The following SMIM14 variants were observed in gnomAD, a reference collection of about 807,000 sequenced individuals.
SMIM14 encodes the protein small integral membrane protein 14, also known as chromosome 4 open reading frame 34.
In SMIM14, 5 loss-of-function variants were observed where a neutral mutation model predicts 12.6. The observed-to-expected ratio is 0.40, with a 90% CI of 0.21 to 0.83. The LOEUF (loss-of-function observed/expected upper bound fraction) is 0.83. SMIM14 is among the 40% of genes least tolerant of loss of function. SMIM14 has a pLI of 0.37. For synonymous variants in SMIM14, 30 were observed against 40.1 expected (o/e 0.75, Z 0.95); for missense variants, 86 against 119.1 (o/e 0.72, Z 1.29).
chr4:39,555,765 C>T (rs1711979127), intron 4 of SMIM14, among the ~76,000 whole-genome samples: 1 of 152,062 alleles, frequency 6.6e-6, no homozygotes, highest in South Asian at 2.1e-4. Flanking sequence ...AAGACAGGCT[C>T]AGTGTCTCTA....
chr4:39,628,553 C>T (rs889217481), intron 1 of SMIM14, among the ~76,000 whole-genome samples: 2 of 149,544 alleles, frequency 1.3e-5, no homozygotes, highest in Non-Finnish European at 3.0e-5. Context: ...GTGGCACACG[C>T]GTAGTCCCAA....
At chr4:39,560,636 C>A (rs949378516) in intron 3 of SMIM14, among the ~76,000 whole-genome samples, 10 of 151,738 alleles carry the variant, frequency 6.6e-5, no homozygotes, top group African/African-American at 2.2e-4. Context: ...CAGAGCAAGA[C>A]CCCGTCTCAA....
chr4:39,617,215 A>C (rs1715259105), intron 1 of SMIM14, among the ~76,000 whole-genome samples: 1 of 152,206 alleles, frequency 6.6e-6, no homozygotes, highest in African/African-American at 2.4e-5. Context: ...TAGTAACTTA[A>C]GGCCAAGTTT....
intron 1 of SMIM14, among the ~76,000 whole-genome samples, chr4:39,611,755 G>A (rs1385113987): frequency 6.6e-6 from 1 of 152,114 alleles, no homozygotes; most frequent in African/African-American, 2.4e-5. Context: ...CTGGAATACT[G>A]TAACAGCAAA....
chr4:39,555,488 C>T (rs183257562), intron 4 of SMIM14, among the ~76,000 whole-genome samples: 1 of 152,336 alleles, frequency 6.6e-6, no homozygotes, highest in African/African-American at 2.4e-5. Flanking sequence ...CCCCCTTGGC[C>T]TCCCAAAGTG....
intron 2 of SMIM14, among the ~76,000 whole-genome samples, chr4:39,603,575 AAATAAT>A (rs1714695387): frequency 6.6e-6 from 1 of 151,928 alleles, no homozygotes; most frequent in Non-Finnish European, 1.5e-5. Context: ...AATAAATAAA[AAATAAT>A]AATAACAATA....
At chr4:39,569,647 G>C (rs1712777746) in intron 3 of SMIM14, among the ~76,000 whole-genome samples, 1 of 152,058 alleles carries the variant, frequency 6.6e-6, no homozygotes, top group African/African-American at 2.4e-5. Flanking sequence ...TGAGGCACTA[G>C]AATTGCCTGA....
intron 2 of SMIM14, among the ~76,000 whole-genome samples, chr4:39,602,011 A>AG (rs1050239627): frequency 1.3e-5 from 2 of 148,930 alleles, no homozygotes; most frequent in African/African-American, 4.9e-5. Context: ...GCACTTTGGG[A>AG]GGGGGAGGTA....
At chr4:39,630,498 T>C (rs919915609) in intron 1 of SMIM14, among the ~76,000 whole-genome samples, 9 of 152,128 alleles carry the variant, frequency 5.9e-5, no homozygotes, top group Admixed American at 1.3e-4. Context: ...TGAGATGACA[T>C]GTGCACAAAG....
chr4:39,628,305 A>AC (rs985376141), intron 1 of SMIM14, among the ~76,000 whole-genome samples: 1 of 148,680 alleles, frequency 6.7e-6, no homozygotes, highest in Non-Finnish European at 1.5e-5. Context: ...AGACTCCATC[A>AC]CAAAAAAAAA....
rs188617384 is a variant in SMIM14 at position 39,578,764 on chromosome 4, G to A, written c.76-6301C>T. Among the ~76,000 whole-genome samples, 189 of 152,222 alleles carry A rather than the reference G, an allele frequency of 1.2e-3. 1 individual carries two copies. Among genetic ancestry groups the A allele is most frequent in the African/African-American group, 4.5e-3 (187 of 41,562 alleles). On this transcript the variant is annotated intron_variant, in intron 2 of 4. Transcript: ENST00000295958. Reference sequence around the variant, plus strand: ...TAATCCCAGCAATTTGGGAGGTCGAGGCAGGTGGATCGCCTGAGGTCAGGA... The same window carrying A: ...TAATCCCAGCAATTTGGGAGGTCGAAGCAGGTGGATCGCCTGAGGTCAGGA...
intron 1 of SMIM14, among the ~76,000 whole-genome samples, chr4:39,629,747 C>T (rs866477974): frequency 7.2e-5 from 11 of 152,094 alleles, no homozygotes; most frequent in South Asian, 4.1e-4. Flanking sequence ...CCTCAGGCTC[C>T]GGAGCAGCTG....
chr4:39,605,222 ATTACTC>A, intron 1 of SMIM14, 42 bp from the exon 2 acceptor site: 1 of 1,135,090 alleles, frequency 8.8e-7, no homozygotes, highest in Non-Finnish European at 1.3e-6. Flanking sequence ...ACAATTCAGA[ATTACTC>A]TTTCTCTTGA....
In SMIM14 at chr4:39,548,285, CAAACAAAT is replaced by C. The variant is rs1385278981; in HGVS notation, c.*3833_*3840del. 9 of 151,204 alleles carry C rather than the reference CAAACAAAT, an allele frequency of 6.0e-5. No homozygotes were observed. The highest frequency in any genetic ancestry group is 2.2e-4 in the African/African-American group (9 of 40,616). 9.4% of individuals were successfully genotyped at this position (151,204 alleles called of 1,614,324 possible). Reference sequence around the variant, plus strand: ...GCAAAACAAAACAAAACAAAACAAACAAACAAATGCAACAAAACAACCTCCCACTATTA... The same window carrying C: ...GCAAAACAAAACAAAACAAAACAAACGCAACAAAACAACCTCCCACTATTA... On this transcript the variant is annotated 3_prime_UTR_variant, in exon 5 of 5. Transcript: ENST00000295958.
At chr4:39,623,494 TATA>T (rs1210633462) in intron 1 of SMIM14, among the ~76,000 whole-genome samples, 1 of 152,226 alleles carries the variant, frequency 6.6e-6, no homozygotes, top group African/African-American at 2.4e-5. Context: ...GAATATGATT[TATA>T]ATAAAATTAC....
intron 3 of SMIM14, among the ~76,000 whole-genome samples, chr4:39,562,407 C>A (rs1712356526): frequency 6.7e-6 from 1 of 149,936 alleles, no homozygotes; most frequent in Non-Finnish European, 1.5e-5. Flanking sequence ...AACAAACAAA[C>A]AAAAAATCCC....
intron 3 of SMIM14, among the ~76,000 whole-genome samples, chr4:39,557,834 G>A (rs992980879): frequency 6.6e-6 from 1 of 152,094 alleles, no homozygotes; most frequent in African/African-American, 2.4e-5. Flanking sequence ...AAAGAAAGGG[G>A]ACATCTGGGC....
chr4:39,578,021 G>A (rs1450857961), intron 2 of SMIM14, among the ~76,000 whole-genome samples: 1 of 152,218 alleles, frequency 6.6e-6, no homozygotes, highest in Non-Finnish European at 1.5e-5. Context: ...TGGCAAAGCA[G>A]AGTGTGCTGG....
intron 1 of SMIM14, among the ~76,000 whole-genome samples, chr4:39,621,822 C>T (rs1047146329): frequency 1.3e-5 from 2 of 148,348 alleles, no homozygotes; most frequent in Non-Finnish European, 3.0e-5. Context: ...GCTGGGACTA[C>T]GGAGGCGCAT....
Sources: allele counts gnomAD v4.1 joint callset (sites outside exome capture counted in the v4.1 genomes callset), GRCh38; gene constraint gnomAD v4.1.1; transcripts MANE v1.5; gene names NCBI Gene and HGNC (gene_info 2026-07-23, HGNC 2026-07-21).